HACD4: variants seen among roughly 807,000 people sequenced by gnomAD.
HACD4 encodes the protein 3-hydroxyacyl-CoA dehydratase 4, also known as very-long-chain (3R)-3-hydroxyacyl-CoA dehydratase 4.
Under a neutral mutation model 33.3 loss-of-function variants are expected in HACD4, and 35 were observed. The observed-to-expected ratio is 1.05, with a 90% CI of 0.80 to 1.39. The LOEUF (loss-of-function observed/expected upper bound fraction) is 1.39, where lower values mean the gene tolerates loss of function less well. HACD4 is among the 40% of genes most tolerant of loss of function. The pLI is 0.00. For missense variants in HACD4, 323 were observed against 276.5 expected (o/e 1.17, Z -1.19); for synonymous variants, 118 against 98.0 (o/e 1.20, Z -1.21).
At position 21,003,086 on chromosome 9, in the gene HACD4, C is replaced by A. The variant is rs1028655572; in HGVS notation, c.*3951G>T. On this transcript the variant is annotated 3_prime_UTR_variant, in exon 7 of 7. Coordinates refer to ENST00000495827, the MANE Select transcript of HACD4 (RefSeq NM_001010915.5). ...AGGCAACCAACCACAGTAGTATTAACAATTGTGTCTGTCACCAAAGGAAAT... is the reference window on the plus strand; with the variant it reads ...AGGCAACCAACCACAGTAGTATTAAAAATTGTGTCTGTCACCAAAGGAAAT... 4.6e-5 allele frequency: 7 copies of A among 152,106 alleles called. No individual in the cohort carries two copies. Among genetic ancestry groups the A allele is most frequent in the African/African-American group, 1.7e-4 (7 of 41,432 alleles). The allele number at this position is 152,106 out of a possible 1,614,324, so 9.4% of individuals were successfully genotyped here.
rs1204528319 is a variant in HACD4 at position 21,001,414 on chromosome 9, G to T, written c.*5623C>A. ...CAATAGAAAAAAATTGGAAAAAAGT[G>T]AACAGGGTATAAGGATCTGTGGGAC... On this transcript the variant is annotated 3_prime_UTR_variant, in exon 7 of 7. Transcript: ENST00000495827. 1.3e-5 allele frequency: 2 copies of T among 152,006 alleles called. No homozygotes were observed. Among genetic ancestry groups the T allele is most frequent in the African/African-American group, 4.8e-5 (2 of 41,414 alleles). The allele number at this position is 152,006 out of a possible 1,614,324, so 9.4% of individuals were successfully genotyped here.
At position 21,001,235 on chromosome 9, in the gene HACD4, T is replaced by C. The variant is rs560365480; in HGVS notation, c.*5802A>G. The C allele has an allele frequency of 6.6e-5, 10 of 151,960 alleles. No individual in the cohort carries two copies. Among genetic ancestry groups the C allele is most frequent in the African/African-American group, 2.4e-4 (10 of 41,496 alleles). The allele number at this position is 151,960 out of a possible 1,614,324, so 9.4% of individuals were successfully genotyped here. The stretch of plus-strand genomic sequence containing the variant: ...GATGAACAAAATGGTAATATCAATA[T>C]AGAGAAAATCTAAGACGATACAAAA... On this transcript the variant is annotated 3_prime_UTR_variant, in exon 7 of 7. Transcript: ENST00000495827.
At position 21,002,675 on chromosome 9, in the gene HACD4, G is replaced by C. The variant is rs1842185113; in HGVS notation, c.*4362C>G. On this transcript the variant is annotated 3_prime_UTR_variant, in exon 7 of 7. Coordinates refer to ENST00000495827, the MANE Select transcript of HACD4 (RefSeq NM_001010915.5). ...ACAATATAAATTACTTACTACTACTGAACTGCACACTTAAAAAGGAATAAG... is the reference window on the plus strand; with the variant it reads ...ACAATATAAATTACTTACTACTACTCAACTGCACACTTAAAAAGGAATAAG... The C allele has an allele frequency of 6.6e-6, 1 of 151,998 alleles. No homozygotes were observed. The highest frequency in any genetic ancestry group is 2.1e-4 in the South Asian group (1 of 4,834). The allele number at this position is 151,998 out of a possible 1,614,324, so 9.4% of individuals were successfully genotyped here. A position where few individuals can be genotyped will look rare whatever the true frequency, so the allele number is the denominator to read the frequency against.
intron 5 of HACD4, among the ~76,000 whole-genome samples, chr9:21,010,961 G>A (rs866378956): frequency 2.6e-5 from 4 of 152,126 alleles, no homozygotes; most frequent in Non-Finnish European, 5.9e-5. Flanking sequence ...ATGGTGAGTG[G>A]CTATAAATAC....
At chr9:21,019,757 G>A (rs1031123085) in intron 3 of HACD4, among the ~76,000 whole-genome samples, 2 of 152,010 alleles carry the variant, frequency 1.3e-5, no homozygotes, top group African/African-American at 2.4e-5. Flanking sequence ...TTCAAAATTT[G>A]GAGAATGTTA....
At position 21,007,133 on chromosome 9, in the gene HACD4, A is replaced by G; in HGVS notation, c.617-14T>C. The G allele has an allele frequency of 7.5e-7, 1 of 1,339,016 alleles. No homozygotes were observed. Among genetic ancestry groups the G allele is most frequent in the Non-Finnish European group, 1.1e-6 (1 of 930,090 alleles). The allele number at this position is 1,339,016 out of a possible 1,614,324, so 82.9% of individuals were successfully genotyped here. On this transcript the variant is annotated splice_polypyrimidine_tract_variant and intron_variant, in intron 6 of 6. Transcript: ENST00000495827. ...TAAAATACATACCTAATATGGAGAA[A>G]GAAGTTGCAAAAGTAAGTAAGGTTA... is the stretch of plus-strand genomic sequence containing the variant.
At position 21,008,012 on chromosome 9, in the gene HACD4, G is replaced by A; in HGVS notation, c.616+9C>T. ...AAAATGCAAAAACAAGACCAAAAAA[G>A]CCACTTACCTATAAAGAGCATCATG... On this transcript the variant is annotated intron_variant, in intron 6 of 6. Coordinates refer to ENST00000495827, the MANE Select transcript of HACD4 (RefSeq NM_001010915.5). The A allele has an allele frequency of 6.3e-7, 1 of 1,575,172 alleles. No homozygotes were observed. Among genetic ancestry groups the A allele is most frequent in the Non-Finnish European group, 8.6e-7 (1 of 1,164,328 alleles).
chr9:21,016,243 T>TA (rs1226021801), intron 3 of HACD4, among the ~76,000 whole-genome samples: 1 of 152,238 alleles, frequency 6.6e-6, no homozygotes, highest in African/African-American at 2.4e-5. Context: ...ACATATATTT[T>TA]ATGTGAATCA....
At chr9:21,023,990 TG>T (rs1466118102) in intron 3 of HACD4, among the ~76,000 whole-genome samples, 4 of 152,228 alleles carry the variant, frequency 2.6e-5, no homozygotes, top group Non-Finnish European at 1.5e-5. Flanking sequence ...CATTTAAAAA[TG>T]GGGAAACAGG....
At chr9:21,012,881 A>C (rs1388381464) in intron 4 of HACD4, among the ~76,000 whole-genome samples, 6 of 152,134 alleles carry the variant, frequency 3.9e-5, no homozygotes, top group Non-Finnish European at 8.8e-5. Context: ...AGCCTGGCCA[A>C]CGTGGCGAAA....
intron 4 of HACD4, chr9:21,015,474 G>A (rs1458786865): frequency 6.5e-6 from 1 of 154,286 alleles, no homozygotes; most frequent in Non-Finnish European, 1.4e-5. Context: ...GAATGTGAGA[G>A]TGCATTTTCT....
Position 21,010,147 on chromosome 9 carries a change from G to A in HACD4, c.490+1442C>T, listed in dbSNP as rs149398814. 6.6e-3 allele frequency among the ~76,000 whole-genome samples: 1,012 copies of A among 152,224 alleles called. 6 individuals carry two copies. The highest frequency in any genetic ancestry group is 0.024 in the Middle Eastern group (7 of 294). ...TTTATGTTAAACACCATGTCCTTAT[G>A]TTTTTCCCTTAGTTACCTTAACATG... On this transcript the variant is annotated intron_variant, in intron 5 of 6. Coordinates refer to ENST00000495827, the MANE Select transcript of HACD4 (RefSeq NM_001010915.5).
chr9:21,010,467 C>CA lies in HACD4; in HGVS notation c.490+1121_490+1122insT, dbSNP rs1554757247. ...TCAGACATCCTGGTACCCCCCCCCC[C>CA]CCCAGAGCTTACAGTCTAGTCAAGG... is the stretch of plus-strand genomic sequence containing the variant. On this transcript the variant is annotated intron_variant, in intron 5 of 6. Coordinates refer to ENST00000495827, the MANE Select transcript of HACD4 (RefSeq NM_001010915.5). Among the ~76,000 whole-genome samples the CA allele has an allele frequency of 6.8e-4, 80 of 117,852 alleles. 1 individual carries two copies. Among genetic ancestry groups the CA allele is most frequent in the Middle Eastern group, 4.0e-3 (1 of 250 alleles). The allele number at this position is 117,852 out of a possible 152,430, so 77.3% of individuals were successfully genotyped here. A position where few individuals can be genotyped will look rare whatever the true frequency, so the allele number is the denominator to read the frequency against.
intron 1 of HACD4, 41 bp from the exon 2 acceptor site, chr9:21,029,439 A>T (rs773086455): frequency 2.4e-6 from 3 of 1,268,026 alleles, no homozygotes; most frequent in Non-Finnish European, 3.4e-6. Flanking sequence ...TTCTTTTATA[A>T]TCATCCTTTC....
At chr9:21,014,195 G>C (rs1044071161) in intron 4 of HACD4, among the ~76,000 whole-genome samples, 1 of 152,164 alleles carries the variant, frequency 6.6e-6, no homozygotes, top group African/African-American at 2.4e-5. Context: ...GTTTCTAAAA[G>C]TTAGGTGCCT....
intron 5 of HACD4, among the ~76,000 whole-genome samples, chr9:21,010,225 T>A (rs1315595638): frequency 2.0e-5 from 3 of 152,210 alleles, no homozygotes; most frequent in Non-Finnish European, 4.4e-5. Context: ...TCTTACAGAA[T>A]GCTCCTTACC....
Position 21,029,298 on chromosome 9 carries a change from T to A in HACD4, c.139A>T (p.Lys47Ter). Residue 47 changes from lysine to a stop codon, truncating the protein, a stop_gained, in exon 2 of 7, where the codon AAA becomes TAA. Transcript: ENST00000495827. LOFTEE classifies it high-confidence loss of function. The stretch of plus-strand genomic sequence containing the variant: ...AAAAACTGTTTCGGAGTTTTACCTT[T>A]TCCAAATGAAAAGAATCTGACTGTC... ...NMTVRFFSFG[K>*]DSMVDTFYAI... The A allele has an allele frequency of 6.4e-7, 1 of 1,555,790 alleles. No homozygotes were observed. The highest frequency in any genetic ancestry group is 1.2e-5 in the South Asian group (1 of 86,858).
In HACD4 at chr9:20,999,708, T is replaced by G. The variant is rs1842137974; in HGVS notation, c.*7329A>C. 6.6e-6 allele frequency: 1 copy of G among 152,192 alleles called. No homozygotes were observed. The highest frequency in any genetic ancestry group is 1.9e-4 in the East Asian group (1 of 5,206). 9.4% of individuals were successfully genotyped at this position (152,192 alleles called of 1,614,324 possible). A position where few individuals can be genotyped will look rare whatever the true frequency, so the allele number is the denominator to read the frequency against. ...GCCGATAGATTTCTTGAAATATATTTCTAGATGTAGTAGTGGCGTTCTTTA... is the reference window on the plus strand; with the variant it reads ...GCCGATAGATTTCTTGAAATATATTGCTAGATGTAGTAGTGGCGTTCTTTA... On this transcript the variant is annotated 3_prime_UTR_variant, in exon 7 of 7. Coordinates refer to ENST00000495827, the MANE Select transcript of HACD4 (RefSeq NM_001010915.5).
chr9:21,008,046 T>G lies in HACD4; in HGVS notation c.591A>C (p.Lys197Asn). Residue 197 changes from lysine (K) to asparagine (N), a missense_variant, in exon 6 of 7, where the codon AAA becomes AAC. By Grantham distance (94) the Lys-to-Asn change is moderately conservative. Transcript: ENST00000495827. The part of the protein sequence containing the change: ...DLSIYFPYVL[K>N]IYLMMLFIGM... ...CTATAAAGAGCATCATGAGATATAT[T>G]TTCAGCACATATGGGAAATAGATGG... 6.2e-7 allele frequency: 1 copy of G among 1,606,324 alleles called. No individual in the cohort carries two copies. Among genetic ancestry groups the G allele is most frequent in the Non-Finnish European group, 8.5e-7 (1 of 1,176,706 alleles).
Sources: allele counts gnomAD v4.1 joint callset (sites outside exome capture counted in the v4.1 genomes callset), GRCh38; gene constraint gnomAD v4.1.1; transcripts MANE v1.5; gene names NCBI Gene and HGNC (gene_info 2026-07-23, HGNC 2026-07-21).